UMODL1: variants seen among roughly 807,000 people sequenced by gnomAD.
The protein encoded by UMODL1 is uromodulin like 1, also known as uromodulin-like 1.
UMODL1 carries 128 observed loss-of-function variants against 136.3 expected under a neutral mutation model. That is an observed-to-expected ratio of 0.94 (90% CI 0.81 to 1.09). UMODL1 has a LOEUF of 1.09. UMODL1 is among the 50% of genes least tolerant of loss of function. The probability of loss-of-function intolerance (pLI) is 0.00; values close to 1 mark genes in which losing one functional copy is unlikely to be tolerated. For missense variants in UMODL1, 1,766 were observed against 1,725.6 expected, an observed-to-expected ratio of 1.02 and a Z score of -0.41; for synonymous variants, 721 against 720.0, an observed-to-expected ratio of 1.00 and a Z score of -0.02.
At chr21:42,106,021 C>G (rs1406437540) in intron 9 of UMODL1, among the ~76,000 whole-genome samples, 1 of 152,234 alleles carries the variant, frequency 6.6e-6, no homozygotes, top group Non-Finnish European at 1.5e-5. Context: ...CCTGCTTCCT[C>G]CACATTTCAG....
chr21:42,124,051 T>C (rs2067017634), intron 17 of UMODL1, among the ~76,000 whole-genome samples: 1 of 152,176 alleles, frequency 6.6e-6, no homozygotes, highest in Admixed American at 6.5e-5. Context: ...ACTCTGAGCC[T>C]CTAGTGTGTG....
chr21:42,097,451 A>T (rs1280163786), intron 6 of UMODL1, among the ~76,000 whole-genome samples: 4 of 152,218 alleles, frequency 2.6e-5, no homozygotes, highest in Non-Finnish European at 4.4e-5. Flanking sequence ...CTGGGCACTA[A>T]ATTGGATTCT....
chr21:42,081,959 G>A (rs555608213), intron 2 of UMODL1, among the ~76,000 whole-genome samples: 5 of 152,218 alleles, frequency 3.3e-5, no homozygotes, highest in Non-Finnish European at 5.9e-5. Context: ...GGCTCCTGGC[G>A]TTGCCCTCCT....
At chr21:42,092,924 G>T (rs1247604488) in intron 6 of UMODL1, among the ~76,000 whole-genome samples, 1 of 152,160 alleles carries the variant, frequency 6.6e-6, no homozygotes, top group Admixed American at 6.5e-5. Flanking sequence ...TCCCAAGGCT[G>T]GTCCTCTGAA....
intron 8 of UMODL1, 60 bp from the exon 9 acceptor site, chr21:42,103,808 A>T (rs759295271): frequency 6.3e-7 from 1 of 1,595,396 alleles, no homozygotes; most frequent in Non-Finnish European, 8.6e-7. Flanking sequence ...CACACCTGGA[A>T]CCCTGCTTAA....
At chr21:42,068,067 G>C (rs1391614554), upstream of UMODL1, among the ~76,000 whole-genome samples, 1 of 152,192 alleles carries the variant, frequency 6.6e-6, no homozygotes, top group Non-Finnish European at 1.5e-5. This position sits in a 1 kb window ranked among gnomAD's most constrained non-coding sequence, Gnocchi z 5.5. Flanking sequence ...CTGCCACATG[G>C]AGGAGTGGCA....
Position 42,127,248 on chromosome 21 carries a change from G to T in UMODL1, c.3530+6G>T, listed in dbSNP as rs764693267. Reference sequence around the variant, plus strand: ...TTCAGCTTCATTAACAACAGGTAGGGCTCAGGAGTGCAGGCACCCCCATCC... The same window carrying T: ...TTCAGCTTCATTAACAACAGGTAGGTCTCAGGAGTGCAGGCACCCCCATCC... On this transcript the variant is annotated splice_donor_region_variant and intron_variant, in intron 19 of 22. Transcript: ENST00000408910. 6.2e-7 allele frequency: 1 copy of T among 1,612,872 alleles called. No individual in the cohort carries two copies. Among genetic ancestry groups the T allele is most frequent in the Non-Finnish European group, 8.5e-7 (1 of 1,179,026 alleles).
intron 1 of UMODL1, among the ~76,000 whole-genome samples, chr21:42,072,720 G>A (rs1008239491): frequency 1.3e-5 from 2 of 152,228 alleles, no homozygotes; most frequent in African/African-American, 2.4e-5. Context: ...TGACATGGGC[G>A]CAATCATGCA....
At position 42,085,468 on chromosome 21, in the gene UMODL1, G is replaced by C. The variant is rs777326036; in HGVS notation, c.603+56G>C. 6 of 1,611,690 alleles carry C rather than the reference G, an allele frequency of 3.7e-6. No individual in the cohort carries two copies. In the East Asian group the frequency reaches 6.7e-5, roughly 18 times the overall value. ...CCTCCTTGTGGCAGCTGCTCAGGCA[G>C]ACCCAGGTATGGGGCCGTGGAAGGG... is the stretch of plus-strand genomic sequence containing the variant. On this transcript the variant is annotated intron_variant, in intron 4 of 22. Coordinates refer to ENST00000408910, the MANE Select transcript of UMODL1 (RefSeq NM_001004416.3). The surrounding 1 kb of genome is among the most constrained non-coding windows in gnomAD (Gnocchi z 4.5).
chr21:42,125,457 G>A (rs1015615845), intron 17 of UMODL1, among the ~76,000 whole-genome samples: 1 of 152,152 alleles, frequency 6.6e-6, no homozygotes, highest in Admixed American at 6.5e-5. Flanking sequence ...CCCCCTCGGG[G>A]GCTCTTCAGA....
At chr21:42,103,493 G>T (rs570860159) in intron 8 of UMODL1, 14 of 373,216 alleles carry the variant, frequency 3.8e-5, no homozygotes, top group African/African-American at 2.5e-4. Context: ...CATAGGCATT[G>T]TTCCTTGGTG....
chr21:42,074,581 G>A (rs1383244788), intron 1 of UMODL1, among the ~76,000 whole-genome samples: 8 of 152,278 alleles, frequency 5.3e-5, no homozygotes, highest in South Asian at 2.1e-4. Context: ...GAGTAATCAC[G>A]TTGATGGAGG....
At position 42,119,141 on chromosome 21, in the gene UMODL1, C is replaced by A; in HGVS notation, c.2506C>A (p.Gln836Lys). The change falls in exon 15 of 23, where the codon CAG becomes AAG. Residue 836 changes from glutamine to lysine, a missense_variant. By Grantham distance (53) the Gln-to-Lys change is moderately conservative. Coordinates refer to ENST00000408910, the MANE Select transcript of UMODL1 (RefSeq NM_001004416.3). ...VRGSLPATMCQHMDAGGVRME... is the reference protein window; with the variant it reads ...VRGSLPATMCKHMDAGGVRME... ...GGGCTCCCTGCCAGCCACCATGTGT[C>A]AGCACATGGACGCTGGTGGGGTCAG... 6.2e-7 allele frequency: 1 copy of A among 1,613,590 alleles called. No individual in the cohort carries two copies. The highest frequency in any genetic ancestry group is 1.1e-5 in the South Asian group (1 of 91,034).
intron 17 of UMODL1, among the ~76,000 whole-genome samples, chr21:42,125,634 G>C (rs548620758): frequency 6.6e-6 from 1 of 152,222 alleles, no homozygotes; most frequent in African/African-American, 2.4e-5. Flanking sequence ...GCAGCAGGGG[G>C]GTGTCTGCAA....
chr21:42,137,219 A>T (rs220177), intron 21 of UMODL1, among the ~76,000 whole-genome samples: 81,548 of 152,150 alleles, frequency 0.54, 22,538 homozygotes, highest in East Asian at 0.75. Flanking sequence ...CCCACCCTCA[A>T]GGCCCAGGCC....
intron 14 of UMODL1, 139 bp downstream of exon 14, chr21:42,116,124 C>A: frequency 7.4e-6 from 3 of 406,590 alleles, no homozygotes; most frequent in Non-Finnish European, 1.3e-5. Flanking sequence ...TGCCTGAGCT[C>A]AGGAGTTCAA....
chr21:42,116,059 G>C, intron 14 of UMODL1, 74 bp downstream of exon 14: 4 of 1,278,592 alleles, frequency 3.1e-6, no homozygotes, highest in South Asian at 1.2e-5. Flanking sequence ...TCTAGGTTAG[G>C]CACGGTGGCT....
At position 42,114,140 on chromosome 21, in the gene UMODL1, C is replaced by T. The variant is rs180867861; in HGVS notation, c.2362+310C>T. 1.4e-3 allele frequency among the ~76,000 whole-genome samples: 210 copies of T among 152,328 alleles called. 1 individual carries two copies. The highest frequency in any genetic ancestry group is 0.012 in the Admixed American group (187 of 15,308). On this transcript the variant is annotated intron_variant, in intron 13 of 22. Coordinates refer to ENST00000408910, the MANE Select transcript of UMODL1 (RefSeq NM_001004416.3). ...GGGGAGGCAGCATGGAAAATGCATGCGGTGCTCATCTGTTGAGCTGCATCC... is the reference window on the plus strand; with the variant it reads ...GGGGAGGCAGCATGGAAAATGCATGTGGTGCTCATCTGTTGAGCTGCATCC...
chr21:42,138,384 T>G (rs1346272502), intron 22 of UMODL1, among the ~76,000 whole-genome samples: 1 of 152,152 alleles, frequency 6.6e-6, no homozygotes, highest in Non-Finnish European at 1.5e-5. Context: ...TTGCTGCTCA[T>G]GCCCGCAGCC....
Sources: gnomAD v4.1 joint callset for allele counts (sites outside exome capture counted in the v4.1 genomes callset) on GRCh38, gnomAD v4.1.1 for gene constraint, Gnocchi (gnomAD v3.1) non-coding constraint, MANE v1.5 for transcripts, NCBI Gene and HGNC (gene_info 2026-07-23, HGNC 2026-07-21) for gene names.